The following ATP8A2 variants were observed in gnomAD, a reference collection of about 807,000 sequenced individuals.
The protein encoded by ATP8A2 is phospholipid-transporting ATPase IB.
A neutral mutation model predicts 165.6 loss-of-function variants in ATP8A2; 100 were observed. The ratio of observed to expected loss-of-function variants is 0.60; its 90% CI spans 0.51 to 0.71. The LOEUF (loss-of-function observed/expected upper bound fraction) is 0.71. ATP8A2 is among the 30% of genes least tolerant of loss of function. The probability of loss-of-function intolerance (pLI) is 0.00; values close to 1 mark genes in which losing one functional copy is unlikely to be tolerated. For synonymous variants in ATP8A2, 543 were observed against 548.8 expected (o/e 0.99, Z 0.15); for missense variants, 1,227 against 1,479.5 (o/e 0.83, Z 2.80).
chr13:25,883,092 G>T (rs1447582680), intron 33 of ATP8A2, among the ~76,000 whole-genome samples: 1 of 152,136 alleles, frequency 6.6e-6, no homozygotes, highest in Non-Finnish European at 1.5e-5. Flanking sequence ...CCCTGCTCAA[G>T]ATCACACAGC....
At chr13:25,693,235 A>C (rs1414774895) in intron 24 of ATP8A2, among the ~76,000 whole-genome samples, 1 of 152,178 alleles carries the variant, frequency 6.6e-6, no homozygotes, top group Non-Finnish European at 1.5e-5. Flanking sequence ...TAGACTCTTG[A>C]ATCATAGTCC....
At chr13:26,018,491 G>A (rs1009065952) in intron 36 of ATP8A2, among the ~76,000 whole-genome samples, 1 of 152,180 alleles carries the variant, frequency 6.6e-6, no homozygotes, top group Non-Finnish European at 1.5e-5. Context: ...TGAACTCACA[G>A]CTCCCCTGAT....
chr13:25,577,684 T>C (rs2039657530), intron 20 of ATP8A2, among the ~76,000 whole-genome samples: 1 of 152,220 alleles, frequency 6.6e-6, no homozygotes, highest in African/African-American at 2.4e-5. Flanking sequence ...CAAATCTAAA[T>C]GGTTTATCTC....
chr13:25,676,702 T>C (rs2042380048), intron 24 of ATP8A2, among the ~76,000 whole-genome samples: 1 of 152,200 alleles, frequency 6.6e-6, no homozygotes, highest in Non-Finnish European at 1.5e-5. Flanking sequence ...TTTTTATATA[T>C]TCCTTCTGGA....
At chr13:25,627,496 A>C (rs750169896) in intron 24 of ATP8A2, among the ~76,000 whole-genome samples, 2 of 152,174 alleles carry the variant, frequency 1.3e-5, no homozygotes, top group African/African-American at 2.4e-5. Flanking sequence ...CTAATCTGAT[A>C]AGATTAGTGT....
At chr13:25,544,830 G>A (rs2038593411) in intron 10 of ATP8A2, among the ~76,000 whole-genome samples, 1 of 152,040 alleles carries the variant, frequency 6.6e-6, no homozygotes, top group Non-Finnish European at 1.5e-5. Flanking sequence ...TGAGTGACAG[G>A]GAGCAACTGA....
intron 5 of ATP8A2, 38 bp from the exon 6 acceptor site, chr13:25,533,235 A>T (rs781004254): frequency 6.5e-6 from 7 of 1,083,968 alleles, no homozygotes; most frequent in Non-Finnish European, 9.7e-6. Flanking sequence ...TCAATTTAAC[A>T]CCAGTATTAA....
At position 25,731,292 on chromosome 13, in the gene ATP8A2, G is replaced by GAA. The variant is rs200292022; in HGVS notation, c.2384+31948_2384+31949insAA. Among the ~76,000 whole-genome samples, 329 of 108,148 alleles carry GAA rather than the reference G, an allele frequency of 3.0e-3. 1 individual carries two copies. The highest frequency in any genetic ancestry group is 7.4e-3 in the African/African-American group (176 of 23,760). 70.9% of individuals were successfully genotyped at this position (108,148 alleles called of 152,430 possible). A position where few individuals can be genotyped will look rare whatever the true frequency, so the allele number is the denominator to read the frequency against. On this transcript the variant is annotated intron_variant, in intron 25 of 36. Coordinates refer to ENST00000381655, the MANE Select transcript of ATP8A2 (RefSeq NM_016529.6). ...GGAGGAAGAAAAAGAAAGAAAGAGA[G>GAA]AGAGAAAGAAAGAAAAGACCGGAAG...
chr13:25,678,857 A>C (rs1287365318), intron 24 of ATP8A2, among the ~76,000 whole-genome samples: 1 of 152,194 alleles, frequency 6.6e-6, no homozygotes, highest in Non-Finnish European at 1.5e-5. Context: ...TTTGTGGAGG[A>C]AAGCGATGTA....
chr13:25,977,358 C>T (rs973919432), intron 35 of ATP8A2, among the ~76,000 whole-genome samples: 2 of 152,244 alleles, frequency 1.3e-5, no homozygotes, highest in East Asian at 1.9e-4. Context: ...TTAAAGCTCT[C>T]GCCTTGCTGA....
chr13:25,853,359 T>C (rs1952056612), intron 30 of ATP8A2, among the ~76,000 whole-genome samples: 1 of 147,302 alleles, frequency 6.8e-6, no homozygotes, highest in Admixed American at 6.8e-5. Flanking sequence ...GCCACTGCAC[T>C]CCAGCCTGGT....
intron 33 of ATP8A2, chr13:25,927,181 C>T (rs959585359): frequency 6.6e-6 from 3 of 456,710 alleles, no homozygotes; most frequent in Middle Eastern, 3.3e-4. Context: ...TGCTGCACGG[C>T]GGGTCCCTGT....
chr13:25,633,455 G>C (rs1322146472), intron 24 of ATP8A2, among the ~76,000 whole-genome samples: 1 of 152,176 alleles, frequency 6.6e-6, no homozygotes, highest in Admixed American at 6.5e-5. Context: ...GCAAGAGAGT[G>C]CATGGGAATA....
Position 25,520,516 on chromosome 13 carries a change from G to T in ATP8A2, c.222-9483G>T, listed in dbSNP as rs116498490. 5.0e-3 allele frequency among the ~76,000 whole-genome samples: 758 copies of T among 151,812 alleles called. 6 individuals carry two copies. The highest frequency in any genetic ancestry group is 0.018 in the African/African-American group (737 of 41,410). ...TGACAGTGCAGACAGATATCTCTTT[G>T]ACATATTGATTTTCTTTCTTTTGGC... On this transcript the variant is annotated intron_variant, in intron 2 of 36. Transcript: ENST00000381655.
At chr13:25,813,917 C>T (rs1472962653) in intron 27 of ATP8A2, among the ~76,000 whole-genome samples, 1 of 152,158 alleles carries the variant, frequency 6.6e-6, no homozygotes, top group Admixed American at 6.5e-5. Flanking sequence ...GTCCTCCTGC[C>T]TAGCTGCCTT....
chr13:25,606,609 G>GCCCC (rs1565974442), intron 24 of ATP8A2, among the ~76,000 whole-genome samples: 1 of 152,032 alleles, frequency 6.6e-6, no homozygotes, highest in African/African-American at 2.4e-5. Context: ...TATTCATTTC[G>GCCCC]TTATTCAGGT....
At position 25,404,163 on chromosome 13, in the gene ATP8A2, T is replaced by C. The variant is rs145000917; in HGVS notation, c.76+31875T>C. On this transcript the variant is annotated intron_variant, in intron 1 of 36. Coordinates refer to ENST00000381655, the MANE Select transcript of ATP8A2 (RefSeq NM_016529.6). ...AAGCACACAGGAAAATCACTGAGAC[T>C]CAGAGGCCAGAGCAGGCTTCCTGAG... Among the ~76,000 whole-genome samples the C allele has an allele frequency of 5.3e-5, 8 of 152,214 alleles. No individual in the cohort carries two copies. The East Asian group carries it at 1.5e-3, about 29-fold the overall frequency.
At chr13:25,445,648 T>C (rs1299245785) in intron 1 of ATP8A2, among the ~76,000 whole-genome samples, 1 of 152,174 alleles carries the variant, frequency 6.6e-6, no homozygotes, top group Non-Finnish European at 1.5e-5. Context: ...GTGAGAAAAA[T>C]ACCATTTGAA....
intron 1 of ATP8A2, among the ~76,000 whole-genome samples, chr13:25,425,945 A>G (rs1017168526): frequency 3.3e-5 from 5 of 152,184 alleles, no homozygotes; most frequent in Non-Finnish European, 5.9e-5. Flanking sequence ...TTGATAGCTC[A>G]GTCTTTTTAT....
Sources: gnomAD v4.1 joint callset for allele counts (sites outside exome capture counted in the v4.1 genomes callset) on GRCh38, gnomAD v4.1.1 for gene constraint, MANE v1.5 for transcripts, NCBI Gene and HGNC (gene_info 2026-07-23, HGNC 2026-07-21) for gene names.